AARS2: variants seen among roughly 807,000 people sequenced by gnomAD.
The protein encoded by AARS2 is alanyl-tRNA synthetase 2, mitochondrial.
In AARS2, 78 loss-of-function variants were observed where a neutral mutation model predicts 119.7. That is an observed-to-expected ratio of 0.65 (90% CI 0.54 to 0.79). AARS2 has a LOEUF of 0.79. Among genes scored for constraint, AARS2 ranks in the 30% least tolerant of loss-of-function variants. The pLI, the probability that AARS2 is intolerant of heterozygous loss-of-function variation, is 0.00. For synonymous variants in AARS2, 502 were observed against 526.3 expected (o/e 0.95, Z 0.63); for missense variants, 1,157 against 1,291.3 (o/e 0.90, Z 1.59).
Position 44,300,434 on chromosome 6 carries a change from C to T in AARS2, c.*113G>A. Reference sequence around the variant, plus strand: ...GCCCAGGTGATCTTCTTTGGCTCAGCTGCTTGGCCTCCAGCCTCTAGTCCT... The same window carrying T: ...GCCCAGGTGATCTTCTTTGGCTCAGTTGCTTGGCCTCCAGCCTCTAGTCCT... On this transcript the variant is annotated 3_prime_UTR_variant, in exon 22 of 22. Coordinates refer to ENST00000244571, the MANE Select transcript of AARS2 (RefSeq NM_020745.4). The T allele has an allele frequency of 6.7e-7, 1 of 1,489,332 alleles. No homozygotes were observed. The highest frequency in any genetic ancestry group is 9.3e-7 in the Non-Finnish European group (1 of 1,074,038). The allele number at this position is 1,489,332 out of a possible 1,614,324, so 92.3% of individuals were successfully genotyped here.
At chr6:44,301,987 C>T in intron 19 of AARS2, 73 bp downstream of exon 19, 1 of 1,502,422 alleles carries the variant, frequency 6.7e-7, no homozygotes, top group Admixed American at 1.9e-5. Context: ...CCCCATGCCC[C>T]AGCCCTTGAG....
At position 44,303,369 on chromosome 6, in the gene AARS2, C is replaced by A. The variant is rs771365295; in HGVS notation, c.2062G>T (p.Val688Leu). 2 of 1,613,996 alleles carry A rather than the reference C, an allele frequency of 1.2e-6. No individual in the cohort carries two copies. The highest frequency in any genetic ancestry group is 1.7e-6 in the Non-Finnish European group (2 of 1,179,992). Residue 688 changes from valine (V) to leucine (L), a missense_variant, in exon 15 of 22, where the codon GTG (valine) becomes TTG (leucine). Val to Leu is a conservative substitution (Grantham distance 32, BLOSUM62 1). Coordinates refer to ENST00000244571, the MANE Select transcript of AARS2 (RefSeq NM_020745.4). ...ATGTACACAGCCTCATCCTGCCCCA[C>A]GGCCTCCTGCACAGTGTTCTCCACT... ...RAVENTVQEA[V>L]GQDEAVYMEE...
At chr6:44,304,076 C>T in intron 14 of AARS2, 105 bp downstream of exon 14, 2 of 1,549,142 alleles carry the variant, frequency 1.3e-6, no homozygotes, top group Non-Finnish European at 1.8e-6. Context: ...GGTGGCCGTG[C>T]TGGGCCTAGA....
intron 2 of AARS2, 54 bp downstream of exon 2, chr6:44,312,018 A>T (rs1396759852): frequency 2.2e-5 from 35 of 1,596,580 alleles, no homozygotes; most frequent in Non-Finnish European, 3.0e-5. Context: ...AGTACAATGG[A>T]AACAGGACAA....
intron 17 of AARS2, 50 bp from the exon 18 acceptor site, chr6:44,302,563 A>G: frequency 6.2e-7 from 1 of 1,612,120 alleles, no homozygotes; most frequent in Non-Finnish European, 8.5e-7. Flanking sequence ...TCCCCAGGAC[A>G]AGGCCTCTCA....
Position 44,302,746 on chromosome 6 carries a change from C to T in AARS2, c.2364+56G>A, listed in dbSNP as rs540735105. The stretch of plus-strand genomic sequence containing the variant: ...CCCCTGAGCCTGAGCATGTCACCTG[C>T]GTGTGTCCCATGCACCCACTCAACC... On this transcript the variant is annotated intron_variant, in intron 17 of 21. Coordinates refer to ENST00000244571, the MANE Select transcript of AARS2 (RefSeq NM_020745.4). 100 of 1,536,638 alleles carry T rather than the reference C, an allele frequency of 6.5e-5. 1 individual carries two copies. The African/African-American group carries it at 6.6e-4, about 10-fold the overall frequency.
At chr6:44,308,781 T>TA (rs1185188718) in intron 5 of AARS2, among the ~76,000 whole-genome samples, 1 of 152,018 alleles carries the variant, frequency 6.6e-6, no homozygotes, top group Non-Finnish European at 1.5e-5. Context: ...TCTATTTTTT[T>TA]AGTAGAGACA....
At position 44,304,782 on chromosome 6, in the gene AARS2, A is replaced by G; in HGVS notation, c.1615T>C (p.Tyr539His). 6.2e-7 allele frequency: 1 copy of G among 1,614,154 alleles called. No individual in the cohort carries two copies. Among genetic ancestry groups the G allele is most frequent in the Non-Finnish European group, 8.5e-7 (1 of 1,180,026 alleles). Residue 539 changes from tyrosine (Y) to histidine (H), a missense_variant, in exon 12 of 22, where the codon TAT becomes CAT. Coordinates refer to ENST00000244571, the MANE Select transcript of AARS2 (RefSeq NM_020745.4). ...GTCEAQVLQL[Y>H]TEDGTAVASV... ...GCCACTGCTGTCCCGTCCTCTGTAT[A>G]CAGTTGCAACACCTGGGCCTCACAG...
rs927792053 is a variant in AARS2 at position 44,313,171 on chromosome 6, C to G, written c.153G>C (p.Arg51=). The G allele has an allele frequency of 1.2e-6, 2 of 1,612,902 alleles. No individual in the cohort carries two copies. The highest frequency in any genetic ancestry group is 8.5e-7 in the Non-Finnish European group (1 of 1,179,740). Residue 51 remains arginine (R), a synonymous_variant, in exon 1 of 22, where the codon CGG becomes CGC. Coordinates refer to ENST00000244571, the MANE Select transcript of AARS2 (RefSeq NM_020745.4). ...AVRAAFLNFF[R]DRHGHRLVPS... is the part of the protein sequence containing the mutation. Reference sequence around the variant, plus strand: ...GCACCAGCCGGTGGCCATGGCGGTCCCGAAAGAAGTTCAGAAAGGCGGCCC... The same window carrying G: ...GCACCAGCCGGTGGCCATGGCGGTCGCGAAAGAAGTTCAGAAAGGCGGCCC...
Position 44,304,213 on chromosome 6 carries a change from G to T in AARS2, c.1975C>A (p.Pro659Thr), listed in dbSNP as rs774683536. The change falls in exon 14 of 22, where the codon CCT becomes ACT. Residue 659 changes from proline to threonine, a missense_variant. Physicochemically the swap from Pro to Thr is conservative, Grantham distance 38. Transcript: ENST00000244571. ...GTCACATCCAAGCGCAGCTGCTCAG[G>T]ATTGAGATGGGAGCCCTGCTGCTCT... ...GTEQQGSHLN[P>T]EQLRLDVTTQ... 14 of 1,613,906 alleles carry T rather than the reference G, an allele frequency of 8.7e-6. No individual in the cohort carries two copies. Among genetic ancestry groups the T allele is most frequent in the Admixed American group, 3.3e-5 (2 of 60,012 alleles).
rs185572013 is a variant in AARS2 at position 44,301,225 on chromosome 6, G to A, written c.2724C>T (p.Pro908=). 4 of 1,613,776 alleles carry A rather than the reference G, an allele frequency of 2.5e-6. No individual in the cohort carries two copies. The highest frequency in any genetic ancestry group is 2.7e-5 in the African/African-American group (2 of 75,014). Residue 908 remains proline, a synonymous_variant, in exon 21 of 22, where the codon CCC becomes CCT. Coordinates refer to ENST00000244571, the MANE Select transcript of AARS2 (RefSeq NM_020745.4). ...GGCTGAGTAGGAGCACAGACGTGCT[G>A]GGGGCCTGCTCACACAGCTGCCGTA... is the stretch of plus-strand genomic sequence containing the variant. ...KVVRQLCEQA[P]STSVLLLSPQ...
chr6:44,302,212 C>G, intron 18 of AARS2, 42 bp from the exon 19 acceptor site: 2 of 1,612,416 alleles, frequency 1.2e-6, no homozygotes, highest in Non-Finnish European at 1.7e-6. Context: ...CTTCCCTGAG[C>G]CATAGTCTCT....
chr6:44,310,991 T>TA lies in AARS2; in HGVS notation c.749+2dup. 1 of 1,613,876 alleles carries TA rather than the reference T, an allele frequency of 6.2e-7. No homozygotes were observed. The highest frequency in any genetic ancestry group is 1.1e-5 in the South Asian group (1 of 91,068). On this transcript the variant is annotated splice_region_variant and intron_variant, in intron 4 of 21. Transcript: ENST00000244571. The stretch of plus-strand genomic sequence containing the variant: ...TTCTCATCCTGCTTCAGCACCCTAT[T>TA]ACCTGTTGTGTTGCATGAAGACCAG...
At chr6:44,306,212 C>T (rs992805611) in intron 9 of AARS2, 68 bp downstream of exon 9, 10 of 1,469,486 alleles carry the variant, frequency 6.8e-6, no homozygotes, top group Non-Finnish European at 9.5e-6. Flanking sequence ...TGGCCCAGAG[C>T]TCCCTCCTCT....
At chr6:44,302,245 G>A in intron 18 of AARS2, 75 bp from the exon 19 acceptor site, 1 of 1,609,440 alleles carries the variant, frequency 6.2e-7, no homozygotes. Context: ...AGCAGGGCCA[G>A]GGAAGACACC....
rs999720158 is a variant in AARS2, at chr6:44,305,198, G to A, written c.1435C>T (p.His479Tyr). The A allele has an allele frequency of 2.5e-6, 4 of 1,611,546 alleles. No individual in the cohort carries two copies. The Admixed American group carries it at 5.0e-5, about 20-fold the overall frequency. Reference protein sequence around the residue: ...LERLAQEEAQHRARQAEPVQK... With the variant: ...LERLAQEEAQYRARQAEPVQK... ...ACTGGCTCAGCCTGCCGTGCCCGGT[G>A]CTGCAGGGTGGGCATGGGCATGGAA... is the stretch of plus-strand genomic sequence containing the variant. The change falls in exon 11 of 22, where the codon CAC (histidine) becomes TAC (tyrosine). Residue 479 changes from histidine (H) to tyrosine (Y), a missense_variant and splice_region_variant. Physicochemically the swap from His to Tyr is moderately conservative, Grantham distance 83 (BLOSUM62 2). Transcript: ENST00000244571. This position sits in a 1 kb window ranked among gnomAD's most constrained non-coding sequence, Gnocchi z 4.6.
At chr6:44,308,390 T>C (rs1786045437) in intron 5 of AARS2, among the ~76,000 whole-genome samples, 1 of 151,842 alleles carries the variant, frequency 6.6e-6, no homozygotes, top group African/African-American at 2.4e-5. Context: ...AATACAAAAA[T>C]TAGTCAGGTG....
Position 44,305,314 on chromosome 6 carries a change from T to C in AARS2, c.1435-116A>G. On this transcript the variant is annotated intron_variant, in intron 10 of 21. Transcript: ENST00000244571. The surrounding 1 kb of genome is among the most constrained non-coding windows in gnomAD (Gnocchi z 4.6). The stretch of plus-strand genomic sequence containing the variant: ...ACAGCTGTGGACTCTGCAGCCCTTC[T>C]GGAATAAGAACTCAGGGCTTGGCTG... The C allele has an allele frequency of 6.7e-7, 1 of 1,489,822 alleles. No individual in the cohort carries two copies. The highest frequency in any genetic ancestry group is 1.1e-5 in the South Asian group (1 of 87,108). The allele number at this position is 1,489,822 out of a possible 1,614,324, so 92.3% of individuals were successfully genotyped here. A position where few individuals can be genotyped will look rare whatever the true frequency, so the allele number is the denominator to read the frequency against.
Position 44,305,536 on chromosome 6 carries a change from A to T in AARS2, c.1434+117T>A. ...TTTTAGAAACCTCCCAGGTGAGGGG[A>T]CAGATCCTATCTCAGCCTCTTGATT... On this transcript the variant is annotated intron_variant, in intron 10 of 21. Coordinates refer to ENST00000244571, the MANE Select transcript of AARS2 (RefSeq NM_020745.4). This position sits in a 1 kb window ranked among gnomAD's most constrained non-coding sequence, Gnocchi z 4.6. 1 of 1,516,228 alleles carries T rather than the reference A, an allele frequency of 6.6e-7. No individual in the cohort carries two copies. Among genetic ancestry groups the T allele is most frequent in the Non-Finnish European group, 9.1e-7 (1 of 1,100,750 alleles). The allele number at this position is 1,516,228 out of a possible 1,614,324, so 93.9% of individuals were successfully genotyped here. A position where few individuals can be genotyped will look rare whatever the true frequency, so the allele number is the denominator to read the frequency against.
Sources: allele counts gnomAD v4.1 joint callset (sites outside exome capture counted in the v4.1 genomes callset), GRCh38; gene constraint gnomAD v4.1.1; non-coding constraint Gnocchi (gnomAD v3.1); transcripts MANE v1.5; gene names NCBI Gene and HGNC (gene_info 2026-07-23, HGNC 2026-07-21).